ERC2: variants seen among roughly 807,000 people sequenced by gnomAD.
The protein encoded by ERC2 is ELKS/RAB6-interacting/CAST family member 2.
A neutral mutation model predicts 114.8 loss-of-function variants in ERC2; 42 were observed. The ratio of observed to expected loss-of-function variants is 0.37; its 90% CI spans 0.29 to 0.47. The LOEUF (loss-of-function observed/expected upper bound fraction) is 0.47. ERC2 is among the 20% of genes least tolerant of loss of function. The pLI is 0.99. For missense variants in ERC2, 939 were observed against 1,150.7 expected (o/e 0.82, Z 2.66); for synonymous variants, 454 against 425.5 (o/e 1.07, Z -0.82).
intron 14 of ERC2, among the ~76,000 whole-genome samples, chr3:55,819,262 A>G (rs1469413162): frequency 6.6e-6 from 1 of 152,206 alleles, no homozygotes; most frequent in Non-Finnish European, 1.5e-5. Context: ...ATCCCTTGAC[A>G]TGGCAAAACC....
At chr3:56,198,607 C>T (rs907879146) in intron 3 of ERC2, among the ~76,000 whole-genome samples, 3 of 152,144 alleles carry the variant, frequency 2.0e-5, no homozygotes, top group Non-Finnish European at 4.4e-5. Flanking sequence ...CAACTGAGTA[C>T]ATGAAAGTGC....
At chr3:56,073,158 T>G (rs529613819) in intron 7 of ERC2, among the ~76,000 whole-genome samples, 51 of 152,272 alleles carry the variant, frequency 3.3e-4, no homozygotes, top group African/African-American at 1.2e-3. Flanking sequence ...GTTATGCATT[T>G]CAACTGAGAT....
At chr3:56,268,286 G>A (rs2053451782) in intron 3 of ERC2, among the ~76,000 whole-genome samples, 1 of 152,158 alleles carries the variant, frequency 6.6e-6, no homozygotes, top group Non-Finnish European at 1.5e-5. Flanking sequence ...GCCTAGGTAT[G>A]TAGGAAGCTA....
At chr3:55,714,091 T>C (rs1361100692) in intron 15 of ERC2, among the ~76,000 whole-genome samples, 4 of 152,232 alleles carry the variant, frequency 2.6e-5, no homozygotes, top group Admixed American at 1.3e-4. Context: ...ATTGAACCTA[T>C]AGAACTTAAT....
intron 7 of ERC2, among the ~76,000 whole-genome samples, chr3:56,049,668 T>C (rs1056553723): frequency 1.3e-5 from 2 of 152,362 alleles, no homozygotes; most frequent in East Asian, 1.9e-4. Context: ...CTTTCTCCCA[T>C]GCTGGATGCT....
At chr3:56,040,991 GTAAT>G (rs1394395211) in intron 7 of ERC2, among the ~76,000 whole-genome samples, 1 of 151,644 alleles carries the variant, frequency 6.6e-6, no homozygotes, top group Non-Finnish European at 1.5e-5. Flanking sequence ...AAATGAACTT[GTAAT>G]CACTCATTCA....
chr3:55,881,724 T>C (rs2063125134), intron 14 of ERC2, among the ~76,000 whole-genome samples: 1 of 152,212 alleles, frequency 6.6e-6, no homozygotes, highest in African/African-American at 2.4e-5. Context: ...TGTAAGCTTA[T>C]TAGCTGGCAT....
chr3:55,850,581 C>G (rs967533954), intron 14 of ERC2, among the ~76,000 whole-genome samples: 2 of 152,036 alleles, frequency 1.3e-5, no homozygotes, highest in Non-Finnish European at 2.9e-5. Context: ...ATGCATTTAC[C>G]AGAATCAAAG....
In ERC2 at chr3:56,412,370, T is replaced by C. The variant is rs772473728; in HGVS notation, c.657+21981A>G. ...CCACCAAGTTAGTGGTAGTTTGTTA[T>C]GGCAATGCTATGAAACTAATATAAT... is the stretch of plus-strand genomic sequence containing the variant. On this transcript the variant is annotated intron_variant, in intron 2 of 17. Coordinates refer to ENST00000288221, the MANE Select transcript of ERC2 (RefSeq NM_015576.3). Among the ~76,000 whole-genome samples, 104 of 152,250 alleles carry C rather than the reference T, an allele frequency of 6.8e-4. 1 individual carries two copies. The highest frequency in any genetic ancestry group is 2.1e-4 in the Non-Finnish European group (14 of 68,046).
At chr3:56,054,769 C>A (rs146547755) in intron 7 of ERC2, among the ~76,000 whole-genome samples, 10 of 152,306 alleles carry the variant, frequency 6.6e-5, no homozygotes, top group African/African-American at 2.4e-4. Flanking sequence ...CATTTACAAT[C>A]AAGTTGCTTT....
chr3:56,205,529 G>A (rs1317117926), intron 3 of ERC2, among the ~76,000 whole-genome samples: 1 of 152,040 alleles, frequency 6.6e-6, no homozygotes, highest in East Asian at 1.9e-4. Flanking sequence ...ACATCATTAG[G>A]GCCTATTATC....
At chr3:56,174,849 G>A (rs1373314807) in intron 3 of ERC2, among the ~76,000 whole-genome samples, 2 of 152,024 alleles carry the variant, frequency 1.3e-5, no homozygotes, top group East Asian at 3.9e-4. Flanking sequence ...ATAGTGGCGT[G>A]TGCCTGTAAT....
chr3:56,129,175 A>C (rs2080059179), intron 6 of ERC2, among the ~76,000 whole-genome samples: 1 of 152,246 alleles, frequency 6.6e-6, no homozygotes, highest in Non-Finnish European at 1.5e-5. Context: ...ATCTGTATTT[A>C]ATTTAAGAAA....
chr3:55,647,330 C>T (rs17055647), intron 17 of ERC2: 1 of 152,052 alleles, frequency 6.6e-6, no homozygotes, highest in Non-Finnish European at 1.5e-5. Flanking sequence ...TCCGCCGCTG[C>T]ATGTAGTCTT....
At chr3:56,456,699 T>G (rs1035772489) in intron 1 of ERC2, among the ~76,000 whole-genome samples, 5 of 152,240 alleles carry the variant, frequency 3.3e-5, no homozygotes, top group Non-Finnish European at 1.5e-5. Flanking sequence ...ATGAGCTAAA[T>G]AGTTCTCCCT....
chr3:55,591,886 T>C (rs1004768701), intron 17 of ERC2, among the ~76,000 whole-genome samples: 1 of 152,212 alleles, frequency 6.6e-6, no homozygotes, highest in Non-Finnish European at 1.5e-5. Context: ...AGCATATACA[T>C]AGCAGAGGCA....
chr3:56,402,414 G>A (rs1164968113), intron 2 of ERC2, among the ~76,000 whole-genome samples: 1 of 152,174 alleles, frequency 6.6e-6, no homozygotes, highest in Non-Finnish European at 1.5e-5. Flanking sequence ...CTTATGGAGA[G>A]ATGCTTTCAT....
At chr3:56,462,050 C>T (rs2063340353) in intron 1 of ERC2, among the ~76,000 whole-genome samples, 1 of 152,182 alleles carries the variant, frequency 6.6e-6, no homozygotes, top group Admixed American at 6.5e-5. Flanking sequence ...TCTGACCTTA[C>T]CCTTCATCTC....
chr3:55,513,116 C>A (rs954138790), intron 17 of ERC2, among the ~76,000 whole-genome samples: 2 of 152,234 alleles, frequency 1.3e-5, no homozygotes, highest in African/African-American at 2.4e-5. Context: ...CCTCTTACAG[C>A]ACCCAACTCT....
Sources: allele counts gnomAD v4.1 joint callset (sites outside exome capture counted in the v4.1 genomes callset), GRCh38; gene constraint gnomAD v4.1.1; transcripts MANE v1.5; gene names NCBI Gene and HGNC (gene_info 2026-07-23, HGNC 2026-07-21).